PRCC: variants seen among roughly 807,000 people sequenced by gnomAD.
The protein encoded by PRCC is proline rich mitotic checkpoint control factor, also known as proline-rich protein PRCC.
Under a neutral mutation model 44.0 loss-of-function variants are expected in PRCC, and 10 were observed. The observed-to-expected ratio is 0.23, with a 90% CI of 0.14 to 0.39. The LOEUF (loss-of-function observed/expected upper bound fraction) is 0.39, where lower values mean the gene tolerates loss of function less well. Among genes scored for constraint, PRCC ranks in the 10% least tolerant of loss-of-function variants. The pLI is 1.00. For missense variants in PRCC, 573 were observed against 624.7 expected, an observed-to-expected ratio of 0.92 and a Z score of 0.88; for synonymous variants, 278 against 259.5, an observed-to-expected ratio of 1.07 and a Z score of -0.69.
intron 2 of PRCC, among the ~76,000 whole-genome samples, chr1:156,784,169 G>T (rs1470801054): frequency 6.6e-6 from 1 of 152,060 alleles, no homozygotes; most frequent in African/African-American, 2.4e-5. Flanking sequence ...GGATGGTCTC[G>T]ATCTCCTGAC....
chr1:156,767,917 C>A lies in PRCC; in HGVS notation c.146C>A (p.Ala49Asp). The change falls in exon 1 of 7, where the codon GCC becomes GAC. Residue 49 changes from alanine to aspartate, a missense_variant. Ala to Asp is a moderately radical substitution (Grantham distance 126, BLOSUM62 -2). This residue lies in a region of PRCC where 245 missense variants were observed against 188.5 expected (regional missense o/e 1.30). Coordinates refer to ENST00000271526, the MANE Select transcript of PRCC (RefSeq NM_005973.5). ...TCTCTCCCTGCGCCCAAGGGTCCGG[C>A]CTTGCTGCCTCCGCCCCCTCAGATG... The part of the protein sequence containing the change: ...FASLPAPKGP[A>D]LLPPPPQMLA... 1.3e-6 allele frequency: 2 copies of A among 1,598,742 alleles called. No individual in the cohort carries two copies. The highest frequency in any genetic ancestry group is 8.5e-7 in the Non-Finnish European group (1 of 1,173,290).
rs947186699 is a variant in PRCC, at chr1:156,791,602, C to T, written c.1084-95C>T. The T allele has an allele frequency of 1.0e-5, 12 of 1,172,298 alleles. No homozygotes were observed. In the African/African-American group the frequency reaches 1.7e-4, roughly 16 times the overall value. The allele number at this position is 1,172,298 out of a possible 1,614,324, so 72.6% of individuals were successfully genotyped here. ...TAGTATAGCTATCTCACCATTGCCTCTTTGATGACAATTTTCTGTTTCTGG... is the reference window on the plus strand; with the variant it reads ...TAGTATAGCTATCTCACCATTGCCTTTTTGATGACAATTTTCTGTTTCTGG... On this transcript the variant is annotated intron_variant, in intron 3 of 6. Transcript: ENST00000271526.
chr1:156,786,052 C>T (rs1038210621), intron 2 of PRCC, among the ~76,000 whole-genome samples: 3 of 152,080 alleles, frequency 2.0e-5, no homozygotes, highest in Non-Finnish European at 4.4e-5. Flanking sequence ...CCTCATGATC[C>T]GCCCACCTTG....
At chr1:156,791,020 C>T in intron 3 of PRCC, 2 of 1,165,588 alleles carry the variant, frequency 1.7e-6, no homozygotes, top group Non-Finnish European at 2.4e-6. Context: ...TGCCTGACTT[C>T]ACCAAGCAGA....
intron 1 of PRCC, among the ~76,000 whole-genome samples, chr1:156,778,906 T>A (rs1180243719): frequency 6.7e-6 from 1 of 150,146 alleles, no homozygotes; most frequent in African/African-American, 2.5e-5. Flanking sequence ...TTCAAGCGAT[T>A]CTCCTACCTT....
chr1:156,780,494 G>A (rs929668541), intron 1 of PRCC, among the ~76,000 whole-genome samples: 1 of 148,380 alleles, frequency 6.7e-6, no homozygotes, highest in Non-Finnish European at 1.5e-5. Flanking sequence ...TTACTCTGTC[G>A]CCCAGGGTGG....
intron 1 of PRCC, among the ~76,000 whole-genome samples, chr1:156,771,419 G>A (rs1379058935): frequency 6.6e-6 from 1 of 152,214 alleles, no homozygotes; most frequent in Non-Finnish European, 1.5e-5. Context: ...GAATGTGAGA[G>A]GCTGGTGGCC....
intron 2 of PRCC, among the ~76,000 whole-genome samples, chr1:156,786,235 A>T (rs1652240424): frequency 6.6e-6 from 1 of 152,070 alleles, no homozygotes; most frequent in South Asian, 2.1e-4. Context: ...ACACGGAGAG[A>T]GGTTGAGTGA....
At chr1:156,779,896 AT>A (rs1039793958) in intron 1 of PRCC, among the ~76,000 whole-genome samples, 246 of 137,914 alleles carry the variant, frequency 1.8e-3, no homozygotes, top group Admixed American at 2.0e-3. Context: ...TGCCTGGTCT[AT>A]TTTTTTTTTT....
At chr1:156,794,934 C>G (rs1571595322) in intron 5 of PRCC, 126 bp downstream of exon 5, 2 of 1,274,902 alleles carry the variant, frequency 1.6e-6, no homozygotes, top group Non-Finnish European at 1.1e-6. Context: ...CACATTTTGC[C>G]CATGGTACTG....
Position 156,767,926 on chromosome 1 carries a change from C to T in PRCC, c.155C>T (p.Pro52Leu), listed in dbSNP as rs774288965. Residue 52 changes from proline (P) to leucine (L), a missense_variant, in exon 1 of 7, where the codon CCT becomes CTT. This residue lies in a region of PRCC where 245 missense variants were observed against 188.5 expected (regional missense o/e 1.30). Coordinates refer to ENST00000271526, the MANE Select transcript of PRCC (RefSeq NM_005973.5). The stretch of plus-strand genomic sequence containing the variant: ...GCGCCCAAGGGTCCGGCCTTGCTGC[C>T]TCCGCCCCCTCAGATGCTGGCGCCA... Reference protein sequence around the residue: ...LPAPKGPALLPPPPQMLAPAF... With the variant: ...LPAPKGPALLLPPPQMLAPAF... 1.1e-5 allele frequency: 18 copies of T among 1,593,560 alleles called. No homozygotes were observed. Among genetic ancestry groups the T allele is most frequent in the Non-Finnish European group, 1.3e-5 (15 of 1,170,520 alleles).
chr1:156,790,748 A>G lies in PRCC; in HGVS notation c.1084-949A>G, dbSNP rs188309395. ...GTTATAAACACCACTGAGATAATCT[A>G]TGTAAATTAAAGCACTTTAAATACA... On this transcript the variant is annotated intron_variant, in intron 3 of 6. Transcript: ENST00000271526. Among the ~76,000 whole-genome samples the G allele has an allele frequency of 9.8e-5, 15 of 152,370 alleles. No homozygotes were observed. The South Asian group carries it at 1.4e-3, about 15-fold the overall frequency.
At chr1:156,791,828 G>A (rs370607139) in intron 4 of PRCC, 36 bp downstream of exon 4, 7 of 1,542,366 alleles carry the variant, frequency 4.5e-6, no homozygotes, top group Middle Eastern at 1.7e-4. Flanking sequence ...ATCTTTGACC[G>A]CTGGGCACCA....
At chr1:156,788,170 A>G (rs1340973746) in intron 3 of PRCC, among the ~76,000 whole-genome samples, 2 of 152,136 alleles carry the variant, frequency 1.3e-5, no homozygotes, top group African/African-American at 4.8e-5. Flanking sequence ...CTTCCACACT[A>G]AAGTAGGCCC....
At chr1:156,795,610 G>A (rs1381477662) in intron 5 of PRCC, among the ~76,000 whole-genome samples, 3 of 152,088 alleles carry the variant, frequency 2.0e-5, no homozygotes, top group Admixed American at 1.3e-4. Flanking sequence ...GTTTCAAGCT[G>A]GGACCTGGCT....
chr1:156,772,879 G>A (rs1651684548), intron 1 of PRCC, among the ~76,000 whole-genome samples: 1 of 152,222 alleles, frequency 6.6e-6, no homozygotes, highest in African/African-American at 2.4e-5. Context: ...GAAAACAGGA[G>A]TTTAGAGAAC....
intron 1 of PRCC, among the ~76,000 whole-genome samples, chr1:156,780,334 C>T (rs1652010369): frequency 6.6e-6 from 1 of 152,154 alleles, no homozygotes; most frequent in South Asian, 2.1e-4. Context: ...GCTGGGATTA[C>T]AGGCGTGAGC....
chr1:156,780,078 A>G (rs1240312468), intron 1 of PRCC, among the ~76,000 whole-genome samples: 2 of 151,638 alleles, frequency 1.3e-5, no homozygotes, highest in Admixed American at 6.6e-5. Context: ...TTATTTTGAG[A>G]TGGAGTTTCA....
At chr1:156,777,437 G>A (rs1346195866) in intron 1 of PRCC, among the ~76,000 whole-genome samples, 1 of 152,148 alleles carries the variant, frequency 6.6e-6, no homozygotes, top group African/African-American at 2.4e-5. Flanking sequence ...TACATAGGAA[G>A]CACTTGGTGG....
Sources: allele counts gnomAD v4.1 joint callset (sites outside exome capture counted in the v4.1 genomes callset), GRCh38; gene constraint gnomAD v4.1.1; regional missense constraint gnomAD v4.1.1; transcripts MANE v1.5; gene names NCBI Gene and HGNC (gene_info 2026-07-23, HGNC 2026-07-21).